Variants in KCTD13 observed in about 807,000 individuals in gnomAD.
KCTD13 encodes the protein potassium channel tetramerization domain containing 13.
In KCTD13, 15 loss-of-function variants were observed where a neutral mutation model predicts 32.3. The observed-to-expected ratio is 0.46, with a 90% CI of 0.31 to 0.71. KCTD13 has a LOEUF of 0.71. Among genes scored for constraint, KCTD13 ranks in the 30% least tolerant of loss-of-function variants. The probability of loss-of-function intolerance (pLI) is 0.05; values close to 1 mark genes in which losing one functional copy is unlikely to be tolerated. For synonymous variants in KCTD13, 189 were observed against 200.1 expected, an observed-to-expected ratio of 0.94 and a Z score of 0.47; for missense variants, 337 against 452.6, an observed-to-expected ratio of 0.74 and a Z score of 2.32.
rs149662053 is a variant in KCTD13, at chr16:29,907,139, C to A, written c.754-31G>T. 9.7e-5 allele frequency: 147 copies of A among 1,512,542 alleles called. No homozygotes were observed. The East Asian group carries it at 3.3e-3, about 34-fold the overall frequency. The allele number at this position is 1,512,542 out of a possible 1,614,324, so 93.7% of individuals were successfully genotyped here. On this transcript the variant is annotated intron_variant, in intron 5 of 5. Transcript: ENST00000568000. ...AAAGGCCAGCCGGCCCCAGCTCCTT[C>A]CTTCTGGTGCAGTCACGCAGGGCCA...
intron 5 of KCTD13, 31 bp downstream of exon 5, chr16:29,910,947 C>T (rs370825991): frequency 1.2e-5 from 19 of 1,591,580 alleles, no homozygotes; most frequent in Non-Finnish European, 9.4e-6. Context: ...CCACCCCCAG[C>T]CCCCAACATA....
At position 29,906,993 on chromosome 16, in the gene KCTD13, C is replaced by A; in HGVS notation, c.869G>T (p.Gly290Val). ...LEATGGAAGA[G>V]GAGRGEDEEN... ...TTCATCCTCCCCGCGGCCAGCCCCA[C>A]CAGCTCCAGCTGCTCCCCCTGTGGC... Residue 290 changes from glycine (G) to valine (V), a missense_variant, in exon 6 of 6, where the codon GGT becomes GTT. By Grantham distance (109) the Gly-to-Val change is moderately radical (BLOSUM62 -3). Coordinates refer to ENST00000568000, the MANE Select transcript of KCTD13 (RefSeq NM_178863.5). The A allele has an allele frequency of 6.2e-7, 1 of 1,614,178 alleles. No homozygotes were observed. Among genetic ancestry groups the A allele is most frequent in the Non-Finnish European group, 8.5e-7 (1 of 1,180,030 alleles).
At chr16:29,910,909 C>A in intron 5 of KCTD13, 69 bp downstream of exon 5, 3 of 1,472,582 alleles carry the variant, frequency 2.0e-6, no homozygotes, top group Non-Finnish European at 2.8e-6. Flanking sequence ...CCCTGCCAAC[C>A]TGCTTTTGTC....
intron 1 of KCTD13, chr16:29,925,578 A>T (rs1018496419): frequency 1.7e-6 from 1 of 584,420 alleles, no homozygotes; most frequent in African/African-American, 1.9e-5. Flanking sequence ...AGTGTTGGTT[A>T]TTGCTGGGGG....
At chr16:29,914,299 T>G (rs1375559963) in intron 2 of KCTD13, 1 of 151,896 alleles carries the variant, frequency 6.6e-6, no homozygotes, top group Non-Finnish European at 1.5e-5. Flanking sequence ...CCAAATATAC[T>G]CACCACCTTC....
chr16:29,908,737 C>T (rs977753641), intron 5 of KCTD13, among the ~76,000 whole-genome samples: 10 of 149,996 alleles, frequency 6.7e-5, no homozygotes, highest in African/African-American at 7.4e-5. Context: ...AGATCTCACT[C>T]TGTTGCCTAG....
rs1008269156 is a variant in KCTD13 at position 29,925,970 on chromosome 16, A to C, written c.64T>G (p.Ser22Ala). The change falls in exon 1 of 6, where the codon TCG becomes GCG. Residue 22 changes from serine to alanine, a missense_variant. Coordinates refer to ENST00000568000, the MANE Select transcript of KCTD13 (RefSeq NM_178863.5). ...AAPSLEAPKP[S>A]GLEPGPAAYG... ...GCGGCGGGGCCAGGCTCGAGACCCGAGGGCTTGGGGGCTTCCAGGGACGGG... is the reference window on the plus strand; with the variant it reads ...GCGGCGGGGCCAGGCTCGAGACCCGCGGGCTTGGGGGCTTCCAGGGACGGG... 5.0e-6 allele frequency: 8 copies of C among 1,612,440 alleles called. No homozygotes were observed. Among genetic ancestry groups the C allele is most frequent in the African/African-American group, 1.3e-5 (1 of 74,952 alleles).
At chr16:29,918,633 G>A (rs575960795) in intron 2 of KCTD13, among the ~76,000 whole-genome samples, 1 of 151,256 alleles carries the variant, frequency 6.6e-6, no homozygotes, top group African/African-American at 2.4e-5. Flanking sequence ...ACCACTCCCA[G>A]CTAATTTTTG....
chr16:29,911,919 C>T, intron 3 of KCTD13, 41 bp downstream of exon 3: 2 of 1,608,236 alleles, frequency 1.2e-6, no homozygotes, highest in Non-Finnish European at 1.7e-6. Flanking sequence ...GGGAGAGGCC[C>T]CCCCAGTGAG....
chr16:29,925,431 A>C, intron 1 of KCTD13: 1 of 304,986 alleles, frequency 3.3e-6, no homozygotes. Flanking sequence ...GAAGGCTGCC[A>C]GGAGTAGTAC....
In KCTD13 at chr16:29,923,217, C is replaced by A; in HGVS notation, c.387G>T (p.Leu129=). ...GCAGCGCCAGCTGGCAGTCCTCAAT[C>A]AGGCCCTGCACCAGGTAGTAGCGTG... ...GEARYYLVQG[L]IEDCQLALQQ... is the part of the protein sequence containing the mutation. Residue 129 remains leucine, a synonymous_variant, in exon 2 of 6, where the codon CTG becomes CTT. Coordinates refer to ENST00000568000, the MANE Select transcript of KCTD13 (RefSeq NM_178863.5). 8.7e-6 allele frequency: 14 copies of A among 1,614,230 alleles called. No individual in the cohort carries two copies. The highest frequency in any genetic ancestry group is 1.2e-5 in the Non-Finnish European group (14 of 1,180,026).
intron 1 of KCTD13, among the ~76,000 whole-genome samples, chr16:29,924,694 T>C (rs2068967037): frequency 6.6e-6 from 1 of 151,902 alleles, no homozygotes. Context: ...ATTTTACAAA[T>C]ACTTATTGGA....
At chr16:29,910,619 A>G (rs1162444430) in intron 5 of KCTD13, among the ~76,000 whole-genome samples, 1 of 152,128 alleles carries the variant, frequency 6.6e-6, no homozygotes, top group African/African-American at 2.4e-5. Flanking sequence ...TTGGCCTCCC[A>G]GAGTCCTGGG....
chr16:29,919,173 G>C (rs116577131), intron 2 of KCTD13, among the ~76,000 whole-genome samples: 4,426 of 152,254 alleles, frequency 0.029, 218 homozygotes, highest in African/African-American at 0.1. Context: ...ACGATACCGG[G>C]AGTAAACAAC....
chr16:29,910,397 AAAT>A (rs142518050), intron 5 of KCTD13, among the ~76,000 whole-genome samples: 5 of 151,336 alleles, frequency 3.3e-5, no homozygotes, highest in African/African-American at 4.9e-5. Flanking sequence ...ACTCCATCTC[AAAT>A]AATAATAATA....
intron 5 of KCTD13, among the ~76,000 whole-genome samples, chr16:29,908,704 GTTGT>G (rs1338432216): frequency 2.3e-5 from 3 of 130,334 alleles, no homozygotes; most frequent in African/African-American, 6.0e-5. Flanking sequence ...TTTTTTAATC[GTTGT>G]TTGTTTGTTT....
chr16:29,910,393 T>C (rs1213416876), intron 5 of KCTD13, among the ~76,000 whole-genome samples: 3 of 151,070 alleles, frequency 2.0e-5, no homozygotes, highest in Admixed American at 6.6e-5. Flanking sequence ...CGAGACTCCA[T>C]CTCAAATAAT....
At chr16:29,920,788 T>C (rs2068897614) in intron 2 of KCTD13, 1 of 152,212 alleles carries the variant, frequency 6.6e-6, no homozygotes, top group Non-Finnish European at 1.5e-5. Flanking sequence ...CACTGCTCAT[T>C]ATGAGGATAA....
intron 2 of KCTD13, among the ~76,000 whole-genome samples, chr16:29,919,074 G>C (rs1359349246): frequency 6.6e-6 from 1 of 152,194 alleles, no homozygotes; most frequent in Admixed American, 6.5e-5. Flanking sequence ...GATTATAGGC[G>C]TGAGCCACCG....
Sources: gnomAD v4.1 joint callset for allele counts (sites outside exome capture counted in the v4.1 genomes callset) on GRCh38, gnomAD v4.1.1 for gene constraint, MANE v1.5 for transcripts, NCBI Gene and HGNC (gene_info 2026-07-23, HGNC 2026-07-21) for gene names.